ZNF423: variants seen among roughly 807,000 people sequenced by gnomAD.
ZNF423 encodes the protein zinc finger protein 423.
ZNF423 carries 12 observed loss-of-function variants against 95.8 expected under a neutral mutation model. That is an observed-to-expected ratio of 0.13 (90% CI 0.08 to 0.20). The LOEUF is 0.20. Ranked by LOEUF, ZNF423 falls within the 10% of genes least tolerant of loss-of-function variation. The pLI, the probability that ZNF423 is intolerant of heterozygous loss-of-function variation, is 1.00. For synonymous variants in ZNF423, 749 were observed against 711.9 expected (o/e 1.05, Z -0.83); for missense variants, 1,316 against 1,737.1 (o/e 0.76, Z 4.31).
At chr16:49,739,307 G>C (rs2033362025) in intron 2 of ZNF423, among the ~76,000 whole-genome samples, 1 of 152,208 alleles carries the variant, frequency 6.6e-6, no homozygotes, top group Non-Finnish European at 1.5e-5. Context: ...TCGCAGTGCA[G>C]ACAAAAGCTG....
chr16:49,659,607 C>G (rs2030091196), intron 3 of ZNF423, among the ~76,000 whole-genome samples: 1 of 152,222 alleles, frequency 6.6e-6, no homozygotes, highest in Admixed American at 6.5e-5. Flanking sequence ...GGGAAACACA[C>G]CCCTGACACA....
chr16:49,802,391 G>C (rs575755195), intron 1 of ZNF423, among the ~76,000 whole-genome samples: 1 of 152,332 alleles, frequency 6.6e-6, no homozygotes, highest in African/African-American at 2.4e-5. Context: ...GAAACCATGA[G>C]AGACAATGGT....
intron 7 of ZNF423, among the ~76,000 whole-genome samples, chr16:49,516,350 C>T (rs1968144705): frequency 6.6e-6 from 1 of 152,212 alleles, no homozygotes; most frequent in South Asian, 2.1e-4. Context: ...AGAGGGAATC[C>T]CCAAAGCCAT....
At chr16:49,648,859 G>A (rs536459405) in intron 3 of ZNF423, among the ~76,000 whole-genome samples, 1 of 152,258 alleles carries the variant, frequency 6.6e-6, no homozygotes, top group South Asian at 2.1e-4. Flanking sequence ...AAATTAGAGA[G>A]CATCTAGGAA....
In ZNF423 at chr16:49,700,078, C is replaced by A. The variant is rs549424663; in HGVS notation, c.301+30693G>T. On this transcript the variant is annotated intron_variant, in intron 3 of 7. Coordinates refer to ENST00000563137, the MANE Select transcript of ZNF423 (RefSeq NM_001379286.1). ...CCCAGAGGCTGCCAGGAAATCCAGG[C>A]CTCCTTGATCAGGCAGAAGAGGGTG... Among the ~76,000 whole-genome samples, 18 of 151,986 alleles carry A rather than the reference C, an allele frequency of 1.2e-4. No individual in the cohort carries two copies. In the South Asian group the frequency reaches 3.3e-3, roughly 28 times the overall value.
At chr16:49,745,001 C>T (rs2143523365) in intron 2 of ZNF423, among the ~76,000 whole-genome samples, 1 of 152,290 alleles carries the variant, frequency 6.6e-6, no homozygotes, top group East Asian at 1.9e-4. Context: ...TATCAGAGCT[C>T]CACGATCAGG....
intron 1 of ZNF423, among the ~76,000 whole-genome samples, chr16:49,830,878 T>C (rs2035053643): frequency 6.6e-6 from 1 of 152,104 alleles, no homozygotes; most frequent in Non-Finnish European, 1.5e-5. Context: ...CTTGAGCTTT[T>C]CCGAACTTGG....
At chr16:49,801,761 C>T (rs2034585955) in intron 1 of ZNF423, among the ~76,000 whole-genome samples, 1 of 152,172 alleles carries the variant, frequency 6.6e-6, no homozygotes, top group African/African-American at 2.4e-5. Context: ...TGAGTAAGTA[C>T]ATTTATTAAC....
chr16:49,721,035 G>A (rs913050138), intron 3 of ZNF423, among the ~76,000 whole-genome samples: 4 of 152,254 alleles, frequency 2.6e-5, no homozygotes, highest in African/African-American at 7.2e-5. Context: ...GGTGGAGCCT[G>A]GAGGTGCTGG....
chr16:49,580,816 C>T (rs965269654), intron 5 of ZNF423, among the ~76,000 whole-genome samples: 17 of 152,052 alleles, frequency 1.1e-4, no homozygotes, highest in African/African-American at 2.4e-4. Flanking sequence ...GAGCAGGCAG[C>T]GGAGAACGCA....
chr16:49,524,553 C>T (rs964337771), intron 6 of ZNF423, among the ~76,000 whole-genome samples: 3 of 152,118 alleles, frequency 2.0e-5, no homozygotes, highest in East Asian at 1.9e-4. Flanking sequence ...GAGTGGACAC[C>T]CCTGGGCCTG....
chr16:49,649,458 G>C (rs1359025601), intron 3 of ZNF423, among the ~76,000 whole-genome samples: 4 of 152,094 alleles, frequency 2.6e-5, no homozygotes, highest in African/African-American at 9.7e-5. Flanking sequence ...CTATCTCCTA[G>C]TTCGGGTGGT....
chr16:49,669,290 T>C (rs575597236), intron 3 of ZNF423, among the ~76,000 whole-genome samples: 6 of 150,802 alleles, frequency 4.0e-5, no homozygotes, highest in Middle Eastern at 3.4e-3. Flanking sequence ...GTTCGCGCCA[T>C]TGCACTCCAG....
chr16:49,608,183 T>C (rs752769297), intron 5 of ZNF423, among the ~76,000 whole-genome samples: 9 of 151,618 alleles, frequency 5.9e-5, no homozygotes, highest in Admixed American at 1.3e-4. Context: ...AAAACCAGAG[T>C]GAGAAGGACC....
intron 3 of ZNF423, among the ~76,000 whole-genome samples, chr16:49,719,531 T>A (rs922815457): frequency 6.6e-6 from 1 of 152,182 alleles, no homozygotes; most frequent in African/African-American, 2.4e-5. Context: ...GAATTGTAAT[T>A]CCCAGTGTTG....
chr16:49,842,410 A>AAGGAAGGC (rs1448904663), intron 1 of ZNF423, among the ~76,000 whole-genome samples: 2,470 of 77,330 alleles, frequency 0.032, 45 homozygotes, highest in Non-Finnish European at 0.046. Context: ...GGAAGGAAGG[A>AAGGAAGGC]AGGCAGGCAG....
chr16:49,757,745 C>T (rs969496950), intron 2 of ZNF423, among the ~76,000 whole-genome samples: 2 of 152,196 alleles, frequency 1.3e-5, no homozygotes, highest in African/African-American at 4.8e-5. Flanking sequence ...AAACACCCCA[C>T]GTGCCCTGGA....
intron 2 of ZNF423, among the ~76,000 whole-genome samples, chr16:49,737,538 G>T (rs951476778): frequency 6.6e-6 from 1 of 152,218 alleles, no homozygotes; most frequent in Non-Finnish European, 1.5e-5. Flanking sequence ...GGGAATACAG[G>T]TGTGAGCCAC....
chr16:49,644,686 A>C (rs145374288), intron 3 of ZNF423, among the ~76,000 whole-genome samples: 21,009 of 121,416 alleles, frequency 0.17, 1,822 homozygotes, highest in African/African-American at 0.23. Flanking sequence ...AAAAAAAAAA[A>C]AAAAAAAAAA....
Sources: gnomAD v4.1 joint callset for allele counts (sites outside exome capture counted in the v4.1 genomes callset) on GRCh38, gnomAD v4.1.1 for gene constraint, MANE v1.5 for transcripts, NCBI Gene and HGNC (gene_info 2026-07-23, HGNC 2026-07-21) for gene names.